Variants in PALM2AKAP2 observed in about 807,000 individuals in gnomAD.
PALM2AKAP2 encodes the protein PALM2 and AKAP2 fusion, also known as PALM2-AKAP2 fusion protein.
PALM2AKAP2 carries 37 observed loss-of-function variants against 71.5 expected under a neutral mutation model. That is an observed-to-expected ratio of 0.52 (90% confidence interval 0.40 to 0.68). The LOEUF (loss-of-function observed/expected upper bound fraction) is 0.68. Among genes scored for constraint, PALM2AKAP2 ranks in the 30% least tolerant of loss-of-function variants. The probability of loss-of-function intolerance (pLI) is 0.00; values close to 1 mark genes in which losing one functional copy is unlikely to be tolerated. For missense variants in PALM2AKAP2, 1,224 were observed against 1,191.8 expected, an observed-to-expected ratio of 1.03 and a Z score of -0.40; for synonymous variants, 468 against 478.8, an observed-to-expected ratio of 0.98 and a Z score of 0.29.
intron 1 of PALM2AKAP2, among the ~76,000 whole-genome samples, chr9:109,656,786 A>G (rs906246523): frequency 6.6e-6 from 1 of 152,186 alleles, no homozygotes; most frequent in Admixed American, 6.5e-5. Context: ...GGATTTCACA[A>G]CAGTCTCTGA....
intron 7 of PALM2AKAP2, among the ~76,000 whole-genome samples, chr9:110,039,239 A>G (rs976584258): frequency 2.0e-5 from 3 of 152,174 alleles, no homozygotes; most frequent in African/African-American, 7.2e-5. Context: ...ACAGAGTGAG[A>G]CCCTCTCTCA....
chr9:109,673,109 A>G (rs1188822646), intron 1 of PALM2AKAP2, among the ~76,000 whole-genome samples: 2 of 151,716 alleles, frequency 1.3e-5, no homozygotes, highest in African/African-American at 4.8e-5. Flanking sequence ...AATCTCTTTC[A>G]GTTCAGCTCT....
chr9:109,979,391 T>C (rs1215346161), intron 6 of PALM2AKAP2, among the ~76,000 whole-genome samples: 1 of 152,196 alleles, frequency 6.6e-6, no homozygotes, highest in African/African-American at 2.4e-5. Flanking sequence ...AGGGGCAGCA[T>C]AGCCTGAGGA....
At chr9:109,691,847 TATATATATATATATATATATAC>T (rs1253262543) in intron 1 of PALM2AKAP2, among the ~76,000 whole-genome samples, 3 of 28,692 alleles carry the variant, frequency 1.0e-4, no homozygotes, top group East Asian at 2.5e-3. Context: ...TATATATATA[TATATATATATATATATATATAC>T]ACACACACAC....
chr9:110,130,891 A>G (rs1384419625), intron 1 of PALM2AKAP2, among the ~76,000 whole-genome samples: 3 of 152,198 alleles, frequency 2.0e-5, no homozygotes, highest in African/African-American at 7.2e-5. Context: ...CGGATTTCTA[A>G]CATTCATTAT....
chr9:109,975,944 A>G (rs1411329954), intron 6 of PALM2AKAP2, among the ~76,000 whole-genome samples: 1 of 152,254 alleles, frequency 6.6e-6, no homozygotes, highest in Non-Finnish European at 1.5e-5. Context: ...AGGATAAATC[A>G]TATTTTAATA....
At chr9:110,153,846 GA>G (rs1836381027) in intron 2 of PALM2AKAP2, among the ~76,000 whole-genome samples, 1 of 152,240 alleles carries the variant, frequency 6.6e-6, no homozygotes, top group African/African-American at 2.4e-5. Flanking sequence ...GTCAGTATGT[GA>G]AAATGGCCTT....
chr9:109,936,691 C>G (rs1831226392), intron 6 of PALM2AKAP2, among the ~76,000 whole-genome samples: 2 of 152,212 alleles, frequency 1.3e-5, no homozygotes, highest in African/African-American at 2.4e-5. Flanking sequence ...GTGAACCACG[C>G]AGGGTGTTCA....
chr9:109,922,171 G>A (rs1830846530), intron 3 of PALM2AKAP2, among the ~76,000 whole-genome samples: 1 of 151,942 alleles, frequency 6.6e-6, no homozygotes, highest in South Asian at 2.1e-4. Context: ...TGTAGTCTCA[G>A]CACTTTGGGA....
intron 1 of PALM2AKAP2, among the ~76,000 whole-genome samples, chr9:109,653,557 G>T (rs1024058141): frequency 4.6e-5 from 7 of 152,098 alleles, no homozygotes; most frequent in Admixed American, 1.3e-4. Flanking sequence ...TTAATAATAA[G>T]GTCTCATTTC....
intron 1 of PALM2AKAP2, among the ~76,000 whole-genome samples, chr9:110,105,110 A>T (rs924265949): frequency 6.6e-6 from 1 of 152,240 alleles, no homozygotes; most frequent in Non-Finnish European, 1.5e-5. Flanking sequence ...TAGACTGTTA[A>T]TTCAGGCAGA....
chr9:110,156,462 A>C, exon 3 of PALM2AKAP2: 1 of 1,610,990 alleles, frequency 6.2e-7, no homozygotes, highest in Non-Finnish European at 8.5e-7. Context: ...TGAGACACAC[A>C]AATCTAAAAG....
chr9:109,725,835 G>C (rs908557711), intron 1 of PALM2AKAP2, among the ~76,000 whole-genome samples: 2 of 152,128 alleles, frequency 1.3e-5, no homozygotes, highest in African/African-American at 4.8e-5. Flanking sequence ...ACATGAAAAA[G>C]TAGCAAAATG....
At chr9:110,107,067 A>G (rs541733470) in intron 1 of PALM2AKAP2, among the ~76,000 whole-genome samples, 2 of 152,322 alleles carry the variant, frequency 1.3e-5, no homozygotes, top group South Asian at 4.1e-4. Context: ...GACATTATCT[A>G]TTGGGGATAT....
chr9:110,149,487 G>A lies in PALM2AKAP2; in HGVS notation c.2570-6832G>A, dbSNP rs554375608. 4.1e-3 allele frequency among the ~76,000 whole-genome samples: 627 copies of A among 152,180 alleles called. 1 individual carries two copies. Among genetic ancestry groups the A allele is most frequent in the African/African-American group, 0.014 (600 of 41,522 alleles). On this transcript the variant is annotated intron_variant, in intron 2 of 3. Coordinates refer to ENST00000374525, the Ensembl canonical transcript of PALM2AKAP2. The stretch of plus-strand genomic sequence containing the variant: ...TTAAAATTAATTTGTGCTGATTGTA[G>A]AAAAAAATGTAAAAAGAATCAAAAG...
At chr9:110,068,535 T>A (rs1192710603) in intron 1 of PALM2AKAP2, among the ~76,000 whole-genome samples, 3 of 144,674 alleles carry the variant, frequency 2.1e-5, no homozygotes, top group Non-Finnish European at 4.5e-5. Context: ...AAAAAAAAAT[T>A]TAATTTTTTT....
At chr9:110,072,625 G>A (rs773106716) in intron 1 of PALM2AKAP2, among the ~76,000 whole-genome samples, 16 of 152,220 alleles carry the variant, frequency 1.1e-4, no homozygotes, top group Non-Finnish European at 2.9e-5. Context: ...ATCCTTGGGT[G>A]CTGGAGTAGT....
At chr9:109,677,793 C>T (rs1404380406) in intron 1 of PALM2AKAP2, among the ~76,000 whole-genome samples, 1 of 152,140 alleles carries the variant, frequency 6.6e-6, no homozygotes, top group East Asian at 1.9e-4. Flanking sequence ...ACATCCATCA[C>T]AGTAGCGGAA....
intron 6 of PALM2AKAP2, among the ~76,000 whole-genome samples, chr9:109,935,966 G>A (rs975115302): frequency 4.6e-5 from 7 of 152,210 alleles, no homozygotes; most frequent in East Asian, 1.9e-4. Context: ...ACAAGAAATT[G>A]GCTTGCCTTT....
Sources: gnomAD v4.1 joint callset for allele counts (sites outside exome capture counted in the v4.1 genomes callset) on GRCh38, gnomAD v4.1.1 for gene constraint, MANE v1.5 for transcripts, NCBI Gene and HGNC (gene_info 2026-07-23, HGNC 2026-07-21) for gene names.